ASAP2: variants seen among roughly 807,000 people sequenced by gnomAD.
The protein encoded by ASAP2 is ArfGAP with SH3 domain, ankyrin repeat and PH domain 2.
Under a neutral mutation model 131.4 loss-of-function variants are expected in ASAP2, and 45 were observed. The ratio of observed to expected loss-of-function variants is 0.34; its 90% CI spans 0.27 to 0.44. The LOEUF (loss-of-function observed/expected upper bound fraction) is 0.44. ASAP2 is among the 20% of genes least tolerant of loss of function. The probability of loss-of-function intolerance (pLI) is 1.00; values close to 1 mark genes in which losing one functional copy is unlikely to be tolerated. For synonymous variants in ASAP2, 510 were observed against 503.0 expected (o/e 1.01, Z -0.19); for missense variants, 1,011 against 1,297.0 (o/e 0.78, Z 3.39).
At chr2:9,313,205 C>T (rs968676088) in intron 3 of ASAP2, among the ~76,000 whole-genome samples, 2 of 152,178 alleles carry the variant, frequency 1.3e-5, no homozygotes, top group African/African-American at 4.8e-5. Context: ...TCTGCATGTC[C>T]GTGGAGTGTT....
At chr2:9,361,224 C>T (rs1673052904) in intron 15 of ASAP2, among the ~76,000 whole-genome samples, 1 of 152,174 alleles carries the variant, frequency 6.6e-6, no homozygotes, top group East Asian at 1.9e-4. Context: ...TTTAAACTCT[C>T]CCTTACCCAA....
At chr2:9,301,254 A>G (rs576605979) in intron 3 of ASAP2, among the ~76,000 whole-genome samples, 2 of 152,196 alleles carry the variant, frequency 1.3e-5, no homozygotes, top group East Asian at 3.9e-4. Flanking sequence ...GCGTGAAAGA[A>G]TGTTTATAAA....
chr2:9,368,563 G>C, intron 16 of ASAP2, 44 bp downstream of exon 16: 1 of 1,567,452 alleles, frequency 6.4e-7, no homozygotes, highest in Non-Finnish European at 8.8e-7. Context: ...GTAAAGGTTT[G>C]CCTTTGCCCG....
chr2:9,232,000 C>G (rs1017174490), intron 1 of ASAP2, among the ~76,000 whole-genome samples: 3 of 152,236 alleles, frequency 2.0e-5, no homozygotes, highest in Admixed American at 6.5e-5. Flanking sequence ...GGCCCCTTCT[C>G]TCCATTCCTC....
intron 3 of ASAP2, among the ~76,000 whole-genome samples, chr2:9,303,944 G>A (rs1668659162): frequency 6.6e-6 from 1 of 152,222 alleles, no homozygotes; most frequent in Non-Finnish European, 1.5e-5. Flanking sequence ...GGCACCTGCT[G>A]GGTGCTATCC....
At chr2:9,399,792 A>G (rs1029514272) in intron 24 of ASAP2, 18 of 568,308 alleles carry the variant, frequency 3.2e-5, no homozygotes, top group Admixed American at 6.1e-5. Flanking sequence ...TCACGTGGAC[A>G]GAGTGCTCTG....
chr2:9,329,620 G>A (rs1050434090), intron 7 of ASAP2, among the ~76,000 whole-genome samples: 2 of 152,204 alleles, frequency 1.3e-5, no homozygotes, highest in African/African-American at 4.8e-5. Context: ...GTGGGCAATT[G>A]CTTGTGTACA....
chr2:9,379,549 C>A (rs1412124710), intron 19 of ASAP2, among the ~76,000 whole-genome samples: 2 of 152,156 alleles, frequency 1.3e-5, no homozygotes, highest in Non-Finnish European at 2.9e-5. Context: ...CTCCCTCTCT[C>A]GAGGACCCCG....
intron 1 of ASAP2, 22 bp from the exon 2 acceptor site, chr2:9,279,295 G>T (rs1666970854): frequency 1.2e-6 from 2 of 1,611,336 alleles, no homozygotes; most frequent in South Asian, 1.1e-5. Context: ...ACGGTTTAAT[G>T]ACTGTATTCT....
At chr2:9,214,719 G>A (rs899213876) in intron 1 of ASAP2, among the ~76,000 whole-genome samples, 1 of 149,830 alleles carries the variant, frequency 6.7e-6, no homozygotes, top group Non-Finnish European at 1.5e-5. Context: ...GGCCCCTACC[G>A]TATGTTGTCA....
chr2:9,400,315 C>T, intron 25 of ASAP2, among the ~76,000 whole-genome samples: 1 of 95,280 alleles, frequency 1.0e-5, no homozygotes, highest in East Asian at 2.7e-4. Flanking sequence ...CTCCTGCCTT[C>T]CTCTGCTCCC....
rs1558398120 is a variant in ASAP2, at chr2:9,392,183, G to A, written c.2518+987G>A. On this transcript the variant is annotated intron_variant, in intron 23 of 27. Coordinates refer to ENST00000281419, the MANE Select transcript of ASAP2 (RefSeq NM_003887.3). The surrounding 1 kb of genome is among the most constrained non-coding windows in gnomAD (Gnocchi z 4.0). ...CATGTTTTCTTTAATATCAACATGT[G>A]GTTGAAAGTCCTGAAAACCTTGGGT... Among the ~76,000 whole-genome samples the A allele has an allele frequency of 6.6e-6, 1 of 152,220 alleles. No individual in the cohort carries two copies. The highest frequency in any genetic ancestry group is 2.4e-5 in the African/African-American group (1 of 41,454).
chr2:9,256,897 C>A (rs1665204655), intron 1 of ASAP2, among the ~76,000 whole-genome samples: 1 of 152,308 alleles, frequency 6.6e-6, no homozygotes, highest in Non-Finnish European at 1.5e-5. Flanking sequence ...ACCCTCAGTC[C>A]TTGTTCCTCT....
At chr2:9,401,458 T>C (rs1676662555) in intron 27 of ASAP2, 62 bp downstream of exon 27, 1 of 1,582,388 alleles carries the variant, frequency 6.3e-7, no homozygotes, top group Non-Finnish European at 8.6e-7. Context: ...CCCACCTGGC[T>C]GGAGAGACGG....
At chr2:9,395,061 T>C (rs1401315785) in intron 24 of ASAP2, among the ~76,000 whole-genome samples, 1 of 152,202 alleles carries the variant, frequency 6.6e-6, no homozygotes, top group Non-Finnish European at 1.5e-5. Flanking sequence ...GGCCTGGCCC[T>C]GGAAGCTGGC....
intron 3 of ASAP2, among the ~76,000 whole-genome samples, chr2:9,299,198 C>T (rs1338552916): frequency 6.6e-6 from 1 of 152,008 alleles, no homozygotes; most frequent in Non-Finnish European, 1.5e-5. Flanking sequence ...TCACAAGTAC[C>T]CAGCGCAATA....
chr2:9,254,254 T>TATATACACAC lies in ASAP2; in HGVS notation c.127-25062_127-25061insTATACACACA, dbSNP rs1553297027. Among the ~76,000 whole-genome samples, 116 of 65,688 alleles carry TATATACACAC rather than the reference T, an allele frequency of 1.8e-3. 5 individuals carry two copies. Among genetic ancestry groups the TATATACACAC allele is most frequent in the African/African-American group, 8.3e-3 (112 of 13,490 alleles). 43.1% of individuals were successfully genotyped at this position (65,688 alleles called of 152,430 possible). On this transcript the variant is annotated intron_variant, in intron 1 of 27. Transcript: ENST00000281419. ...AAAAAAAAATATATATATATATATATACACGTGTGTGTGTATGCATATATA... is the reference window on the plus strand; with the variant it reads ...AAAAAAAAATATATATATATATATATATATACACACACACGTGTGTGTGTATGCATATATA...
intron 1 of ASAP2, among the ~76,000 whole-genome samples, chr2:9,275,953 T>C (rs1666734612): frequency 6.6e-6 from 1 of 152,250 alleles, no homozygotes; most frequent in Non-Finnish European, 1.5e-5. Flanking sequence ...AGACACGTGC[T>C]GGTAGCTGCT....
intron 4 of ASAP2, among the ~76,000 whole-genome samples, chr2:9,319,360 A>G (rs1481098300): frequency 3.9e-5 from 6 of 152,230 alleles, no homozygotes; most frequent in Non-Finnish European, 1.5e-5. Context: ...ACCCATCTCC[A>G]GGACCTCTAC....
Sources: gnomAD v4.1 joint callset for allele counts (sites outside exome capture counted in the v4.1 genomes callset) on GRCh38, gnomAD v4.1.1 for gene constraint, Gnocchi (gnomAD v3.1) non-coding constraint, MANE v1.5 for transcripts, NCBI Gene and HGNC (gene_info 2026-07-23, HGNC 2026-07-21) for gene names.